The following ZNF536 variants were observed in gnomAD, a reference collection of about 807,000 sequenced individuals.
The protein encoded by ZNF536 is zinc finger protein 536.
ZNF536 carries 13 observed loss-of-function variants against 84.5 expected under a neutral mutation model. The observed-to-expected ratio is 0.15, with a 90% confidence interval of 0.10 to 0.24. The LOEUF (loss-of-function observed/expected upper bound fraction) is 0.24, where lower values mean the gene tolerates loss of function less well. ZNF536 is among the 10% of genes least tolerant of loss of function. ZNF536 has a pLI of 1.00. For missense variants in ZNF536, 1,536 were observed against 1,747.5 expected (o/e 0.88, Z 2.16); for synonymous variants, 811 against 742.5 (o/e 1.09, Z -1.50).
rs182926085 is a variant in ZNF536, at chr19:30,640,010, C to G, written c.170-70747C>G. The stretch of plus-strand genomic sequence containing the variant: ...CTGTAATTCCAGCACTTTGGGAGGC[C>G]GAGATGGGCAGATCACCTGAGGTCA... On this transcript the variant is annotated intron_variant, in intron 1 of 1. Coordinates refer to the ZNF536 transcript ENST00000592773. Among the ~76,000 whole-genome samples the G allele has an allele frequency of 2.6e-5, 4 of 152,246 alleles. No homozygotes were observed. The South Asian group carries it at 6.2e-4, about 24-fold the overall frequency.
intron 1 of ZNF536, among the ~76,000 whole-genome samples, chr19:30,580,345 C>T (rs1474590407): frequency 2.6e-5 from 4 of 152,210 alleles, no homozygotes; most frequent in South Asian, 2.1e-4. Context: ...TTCTCAAATG[C>T]TCCTCCTGCC....
At chr19:30,242,897 C>CT (rs957401834) in intron 1 of ZNF536, among the ~76,000 whole-genome samples, 8 of 151,646 alleles carry the variant, frequency 5.3e-5, no homozygotes, top group East Asian at 3.9e-4. Context: ...GGATACTGAA[C>CT]TTTTTTTTTC....
chr19:30,531,096 A>T (rs1443967230), intron 2 of ZNF536, among the ~76,000 whole-genome samples: 1 of 152,210 alleles, frequency 6.6e-6, no homozygotes, highest in Non-Finnish European at 1.5e-5. Flanking sequence ...GATTAGTCTA[A>T]CCATAAATGC....
intron 2 of ZNF536, among the ~76,000 whole-genome samples, chr19:30,447,356 G>A (rs755470187): frequency 6.6e-6 from 1 of 152,182 alleles, no homozygotes; most frequent in Non-Finnish European, 1.5e-5. Flanking sequence ...AAAATAAAGT[G>A]GGACTCTGCC....
rs1028754836 is a variant in ZNF536, at chr19:30,231,189, G to A, written c.-190+2516G>A. The stretch of plus-strand genomic sequence containing the variant: ...TTTAAAAACAAGTGAGTTTTCTGCA[G>A]GTCAACATTTGTCCATATGAAGGAG... On this transcript the variant is annotated intron_variant, in intron 1 of 5. Transcript: ENST00000585628. Among the ~76,000 whole-genome samples the A allele has an allele frequency of 2.6e-5, 4 of 152,194 alleles. No individual in the cohort carries two copies. The South Asian group carries it at 8.3e-4, about 31-fold the overall frequency.
chr19:30,254,836 G>A (rs1030902428), intron 1 of ZNF536, among the ~76,000 whole-genome samples: 4 of 152,176 alleles, frequency 2.6e-5, no homozygotes, highest in Admixed American at 1.3e-4. Flanking sequence ...CAGCTGAGCC[G>A]AAAGCCTGAA....
intron 1 of ZNF536, among the ~76,000 whole-genome samples, chr19:30,702,345 C>T (rs540205581): frequency 4.6e-5 from 7 of 152,210 alleles, no homozygotes; most frequent in South Asian, 2.1e-4. Flanking sequence ...GGCTCTACGG[C>T]GCAGCGACAA....
At position 30,248,419 on chromosome 19, in the gene ZNF536, G is replaced by A. The variant is rs561027416; in HGVS notation, c.-190+19746G>A. On this transcript the variant is annotated intron_variant, in intron 1 of 5. Coordinates refer to the ZNF536 transcript ENST00000585628. ...TAATTTTTTTTTTTTTTTTTTTGTA[G>A]TTTTAGTAGAGATGGAGTTTCACTG... is the stretch of plus-strand genomic sequence containing the variant. Among the ~76,000 whole-genome samples, 6 of 132,780 alleles carry A rather than the reference G, an allele frequency of 4.5e-5. No individual in the cohort carries two copies. In the South Asian group the frequency reaches 1.2e-3, roughly 26 times the overall value. 87.1% of individuals were successfully genotyped at this position (132,780 alleles called of 152,430 possible).
intron 1 of ZNF536, among the ~76,000 whole-genome samples, chr19:30,601,332 G>A (rs2047675318): frequency 6.6e-6 from 1 of 152,152 alleles, no homozygotes; most frequent in Non-Finnish European, 1.5e-5. Context: ...ACGGCTCTCT[G>A]GGAGCCTGCA....
At position 30,443,707 on chromosome 19, in the gene ZNF536, G is replaced by T. The variant is rs772563038; in HGVS notation, c.145G>T (p.Glu49Ter). The change falls in exon 2 of 5, where the codon GAG (glutamate) becomes TAG (stop). Residue 49 changes from glutamate to a stop codon, truncating the protein, a stop_gained. Transcript: ENST00000355537. LOFTEE classifies it high-confidence loss of function. ...CTCCCAGCTCAGCCATGCCTTCCCC[G>T]AGCTCCATCCCCGGCCCAACCCCGA... Reference protein sequence around the residue: ...ITSQLSHAFPELHPRPNPEEK... With the variant: ...ITSQLSHAFP The T allele has an allele frequency of 6.2e-7, 1 of 1,613,710 alleles. No homozygotes were observed. The highest frequency in any genetic ancestry group is 8.5e-7 in the Non-Finnish European group (1 of 1,179,922).
intron 2 of ZNF536, among the ~76,000 whole-genome samples, chr19:30,529,251 A>G (rs188183516): frequency 2.0e-5 from 3 of 152,330 alleles, no homozygotes; most frequent in Admixed American, 2.0e-4. Flanking sequence ...AACATATTAT[A>G]TATAAATAAG....
At chr19:30,318,770 C>T (rs2046763861) in intron 2 of ZNF536, among the ~76,000 whole-genome samples, 1 of 152,120 alleles carries the variant, frequency 6.6e-6, no homozygotes, top group South Asian at 2.1e-4. Context: ...TGCAATGTAC[C>T]CGCAGCCCTG....
chr19:30,302,158 A>C (rs1276673907), intron 2 of ZNF536, among the ~76,000 whole-genome samples: 2 of 152,244 alleles, frequency 1.3e-5, no homozygotes, highest in Non-Finnish European at 2.9e-5. Context: ...AATAGGATGC[A>C]TGGAGCACTG....
chr19:30,275,512 T>C (rs1474911045), intron 1 of ZNF536, among the ~76,000 whole-genome samples: 1 of 152,080 alleles, frequency 6.6e-6, no homozygotes, highest in Non-Finnish European at 1.5e-5. Flanking sequence ...TCCGAGGCTG[T>C]AGGGAAGAGA....
chr19:30,368,827 T>G (rs1296399773), upstream of ZNF536, among the ~76,000 whole-genome samples: 1 of 152,206 alleles, frequency 6.6e-6, no homozygotes, highest in Non-Finnish European at 1.5e-5. Context: ...AGTCTTCAGC[T>G]GCTCCGCTTG....
At chr19:30,639,037 G>A (rs529195342) in intron 1 of ZNF536, among the ~76,000 whole-genome samples, 159 of 152,152 alleles carry the variant, frequency 1.0e-3, no homozygotes, top group African/African-American at 3.8e-3. Flanking sequence ...TGTAACTCTA[G>A]AACTCAATAT....
intron 1 of ZNF536, among the ~76,000 whole-genome samples, chr19:30,405,496 A>G (rs2050226587): frequency 6.6e-6 from 1 of 152,028 alleles, no homozygotes; most frequent in African/African-American, 2.4e-5. Flanking sequence ...TTAGGAAACC[A>G]TCTCCTAGCT....
At chr19:30,395,103 C>T (rs932650261) in intron 1 of ZNF536, among the ~76,000 whole-genome samples, 1 of 152,134 alleles carries the variant, frequency 6.6e-6, no homozygotes, top group East Asian at 1.9e-4. Flanking sequence ...CTTCTTAGGG[C>T]TTTCGTTGTG....
At chr19:30,554,083 A>ACC (rs34666982) in intron 4 of ZNF536, 11 of 127,924 alleles carry the variant, frequency 8.6e-5, no homozygotes, top group African/African-American at 2.4e-4. Context: ...AATAATTGGG[A>ACC]CCCCCCCCCC....
Sources: allele counts gnomAD v4.1 joint callset (sites outside exome capture counted in the v4.1 genomes callset), GRCh38; gene constraint gnomAD v4.1.1; transcripts MANE v1.5; gene names NCBI Gene and HGNC (gene_info 2026-07-23, HGNC 2026-07-21).